Variants in ST18 observed in about 807,000 individuals in gnomAD.
ST18 encodes suppression of tumorigenicity 18 protein.
A neutral mutation model predicts 110.0 loss-of-function variants in ST18; 50 were observed. The ratio of observed to expected loss-of-function variants is 0.45; its 90% CI spans 0.36 to 0.58. The LOEUF is 0.58. Among genes scored for constraint, ST18 ranks in the 20% least tolerant of loss-of-function variants. The pLI is 0.00. For missense variants in ST18, 1,306 were observed against 1,280.1 expected (o/e 1.02, Z -0.31); for synonymous variants, 461 against 452.4 (o/e 1.02, Z -0.24).
At chr8:52,249,437 G>A (rs907288931) in intron 2 of ST18, 11 of 152,442 alleles carry the variant, frequency 7.2e-5, no homozygotes, top group African/African-American at 2.6e-4. Context: ...GGGTGGGCTA[G>A]GTTAGTCCAG....
intron 2 of ST18, among the ~76,000 whole-genome samples, chr8:52,400,638 A>C (rs989699872): frequency 1.3e-5 from 2 of 152,092 alleles, no homozygotes; most frequent in Non-Finnish European, 2.9e-5. Flanking sequence ...AACATCTTAT[A>C]GTTATAATTG....
At chr8:52,182,776 C>T (rs1009113292) in intron 8 of ST18, among the ~76,000 whole-genome samples, 2 of 152,032 alleles carry the variant, frequency 1.3e-5, no homozygotes, top group Admixed American at 6.6e-5. Context: ...AGCTCTCATG[C>T]TGCATGTTCC....
intron 2 of ST18, chr8:52,246,452 T>G (rs900757996): frequency 1.3e-5 from 2 of 152,220 alleles, no homozygotes; most frequent in Non-Finnish European, 2.9e-5. Context: ...TAAATACTTC[T>G]GCTTACAGAG....
chr8:52,180,459 A>G (rs1380759787), intron 8 of ST18, 147 bp from the exon 9 acceptor site: 2 of 769,156 alleles, frequency 2.6e-6, no homozygotes, highest in Non-Finnish European at 2.1e-6. Context: ...AAAACATCCC[A>G]TCTGTGGACT....
chr8:52,336,993 A>G lies in ST18; in HGVS notation c.-465+72335T>C, dbSNP rs560687709. Among the ~76,000 whole-genome samples the G allele has an allele frequency of 7.2e-5, 11 of 152,350 alleles. No homozygotes were observed. The South Asian group carries it at 2.1e-3, about 29-fold the overall frequency. On this transcript the variant is annotated intron_variant, in intron 2 of 25. Transcript: ENST00000689386. The stretch of plus-strand genomic sequence containing the variant: ...GGAAAACCATCTACCTTCATTGTGT[A>G]TGATTTTGACAAAAAGTAATGCAAC...
intron 2 of ST18, among the ~76,000 whole-genome samples, chr8:52,337,461 G>C (rs980183117): frequency 6.6e-6 from 1 of 152,230 alleles, no homozygotes; most frequent in Non-Finnish European, 1.5e-5. Flanking sequence ...ATGAGCCAAA[G>C]TCACTCTGAA....
chr8:52,307,022 T>G (rs960831415), intron 2 of ST18, among the ~76,000 whole-genome samples: 2 of 152,122 alleles, frequency 1.3e-5, no homozygotes, highest in Admixed American at 1.3e-4. Context: ...GTTTTGTCTA[T>G]AGAATAAAAA....
chr8:52,403,284 C>G (rs998964832), intron 2 of ST18: 5 of 152,290 alleles, frequency 3.3e-5, no homozygotes, highest in Non-Finnish European at 5.9e-5. Flanking sequence ...GCAGGACACA[C>G]TCTAGCAGTG....
rs571518466 is a variant in ST18, at chr8:52,203,068, G to A, written c.86+9011C>T. ...ATATTTCTCAAGCAACATCATGTAC[G>A]AGGCCTACACTGGTAAATAAAATAG... On this transcript the variant is annotated intron_variant, in intron 8 of 25. Transcript: ENST00000689386. Among the ~76,000 whole-genome samples the A allele has an allele frequency of 4.1e-4, 63 of 152,236 alleles. 1 individual carries two copies. In the South Asian group the frequency reaches 0.012, roughly 29 times the overall value.
chr8:52,162,634 A>T (rs1356335726), intron 13 of ST18, among the ~76,000 whole-genome samples: 1 of 152,172 alleles, frequency 6.6e-6, no homozygotes, highest in Non-Finnish European at 1.5e-5. Context: ...TAATTATCAC[A>T]ATCTAAGCTA....
intron 2 of ST18, chr8:52,403,237 C>G (rs898675446): frequency 1.3e-5 from 2 of 152,220 alleles, no homozygotes; most frequent in African/African-American, 4.8e-5. Flanking sequence ...GGCCAGGCCT[C>G]AGGGATAAAC....
At chr8:52,219,726 C>G (rs1436499576) in intron 5 of ST18, among the ~76,000 whole-genome samples, 1 of 152,124 alleles carries the variant, frequency 6.6e-6, no homozygotes, top group Non-Finnish European at 1.5e-5. Flanking sequence ...GGCACATTCC[C>G]CCCAGAAGAG....
At chr8:52,174,512 C>T (rs1409988736) in intron 9 of ST18, among the ~76,000 whole-genome samples, 1 of 152,130 alleles carries the variant, frequency 6.6e-6, no homozygotes, top group Non-Finnish European at 1.5e-5. Context: ...CTAACAAAAG[C>T]TCTAGAAAGC....
chr8:52,205,319 T>G (rs1374860853), intron 8 of ST18, among the ~76,000 whole-genome samples: 1 of 151,966 alleles, frequency 6.6e-6, no homozygotes, highest in Non-Finnish European at 1.5e-5. Context: ...ATTACAGGCC[T>G]CAGGTGTAGG....
intron 2 of ST18, among the ~76,000 whole-genome samples, chr8:52,355,316 C>T (rs1490813262): frequency 1.3e-5 from 2 of 152,160 alleles, no homozygotes; most frequent in African/African-American, 2.4e-5. Context: ...ATCTAATGGC[C>T]GTGAACCTAC....
intron 8 of ST18, among the ~76,000 whole-genome samples, chr8:52,187,448 C>G (rs1256154007): frequency 6.6e-6 from 1 of 152,220 alleles, no homozygotes; most frequent in Admixed American, 6.5e-5. Context: ...CCATATCATA[C>G]TATTCAATGA....
chr8:52,130,673 G>A (rs2049218694), intron 22 of ST18, among the ~76,000 whole-genome samples: 1 of 152,202 alleles, frequency 6.6e-6, no homozygotes, highest in South Asian at 2.1e-4. Flanking sequence ...GGCACTATCA[G>A]TTGCTTTGCC....
rs528593769 is a variant in ST18, at chr8:52,389,145, T to G, written c.-465+20183A>C. 4.6e-3 allele frequency among the ~76,000 whole-genome samples: 697 copies of G among 152,200 alleles called. 7 individuals are homozygous for G. The highest frequency in any genetic ancestry group is 5.5e-3 in the Non-Finnish European group (377 of 68,000). ...CTTCAGGCGCTGCCCGGGGCTTGGC[T>G]GTGGGGCTCCCAGGCCTCAGCACAG... is the stretch of plus-strand genomic sequence containing the variant. On this transcript the variant is annotated intron_variant, in intron 2 of 25. Coordinates refer to ENST00000689386, the MANE Select transcript of ST18 (RefSeq NM_001352837.2).
In ST18 at chr8:52,253,849, A is replaced by G. The variant is rs568183929; in HGVS notation, c.-464-23772T>C. ...GCAAATTTGCACGTTTCAAAAATCTATATGAACAAAGGCGATACTGGTGCA... is the reference window on the plus strand; with the variant it reads ...GCAAATTTGCACGTTTCAAAAATCTGTATGAACAAAGGCGATACTGGTGCA... On this transcript the variant is annotated intron_variant, in intron 2 of 25. Coordinates refer to ENST00000689386, the MANE Select transcript of ST18 (RefSeq NM_001352837.2). Among the ~76,000 whole-genome samples, 10 of 152,272 alleles carry G rather than the reference A, an allele frequency of 6.6e-5. No homozygotes were observed. In the East Asian group the frequency reaches 1.5e-3, roughly 24 times the overall value.
Sources: gnomAD v4.1 joint callset for allele counts (sites outside exome capture counted in the v4.1 genomes callset) on GRCh38, gnomAD v4.1.1 for gene constraint, MANE v1.5 for transcripts, NCBI Gene and HGNC (gene_info 2026-07-23, HGNC 2026-07-21) for gene names.